The following VMP1 variants were observed in gnomAD, a reference collection of about 807,000 sequenced individuals.
VMP1 encodes the protein ectopic P-granules autophagy protein 3 homolog.
VMP1 carries 11 observed loss-of-function variants against 56.0 expected under a neutral mutation model. That is an observed-to-expected ratio of 0.20 (90% CI 0.12 to 0.32). The LOEUF is 0.32. Among genes scored for constraint, VMP1 ranks in the 10% least tolerant of loss-of-function variants. The pLI, the probability that VMP1 is intolerant of heterozygous loss-of-function variation, is 1.00. For missense variants in VMP1, 296 were observed against 490.3 expected, an observed-to-expected ratio of 0.60 and a Z score of 3.74; for synonymous variants, 149 against 165.0, an observed-to-expected ratio of 0.90 and a Z score of 0.74.
intron 7 of VMP1, among the ~76,000 whole-genome samples, chr17:59,790,219 G>A (rs952627135): frequency 1.3e-5 from 2 of 151,960 alleles, no homozygotes; most frequent in Admixed American, 1.3e-4. Flanking sequence ...TGCTATCTCA[G>A]GTCTTACAAC....
chr17:59,752,547 TA>T (rs916201703), intron 5 of VMP1, among the ~76,000 whole-genome samples: 5 of 152,032 alleles, frequency 3.3e-5, no homozygotes, highest in African/African-American at 7.2e-5. Context: ...ATGAGTTGTA[TA>T]AAAAAAATTA....
At chr17:59,815,591 C>T (rs1334963687) in intron 9 of VMP1, among the ~76,000 whole-genome samples, 3 of 152,164 alleles carry the variant, frequency 2.0e-5, no homozygotes, top group South Asian at 2.1e-4. Context: ...CGGTGGCTCA[C>T]GCCTGTAATC....
At chr17:59,764,949 GT>G in intron 5 of VMP1, 21 bp from the exon 6 acceptor site, 1 of 1,487,942 alleles carries the variant, frequency 6.7e-7, no homozygotes, top group Non-Finnish European at 9.0e-7. Context: ...CTTATCAGAA[GT>G]TTCTTGTATT....
chr17:59,834,465 G>T (rs999614891), intron 10 of VMP1, among the ~76,000 whole-genome samples: 2 of 151,344 alleles, frequency 1.3e-5, no homozygotes, highest in Non-Finnish European at 2.9e-5. Flanking sequence ...TGTTTTTTTG[G>T]TTTTTTTATT....
rs779193409 is a variant in VMP1 at position 59,731,478 on chromosome 17, G to A, written c.32G>A (p.Arg11Lys). The change falls in exon 2 of 12, where the codon AGA (arginine) becomes AAA (lysine). Residue 11 changes from arginine (R) to lysine (K), a missense_variant. Around this residue, in one of 4 missense-constraint regions of VMP1, gnomAD observed 69 missense variants for 76.6 expected, o/e 0.90. Coordinates refer to ENST00000262291, the MANE Select transcript of VMP1 (RefSeq NM_030938.5). Reference sequence around the variant, plus strand: ...GAGAATGGAAAAAATTGTGACCAGAGACGTGTAGCAATGAACAAGGAACAT... The same window carrying A: ...GAGAATGGAAAAAATTGTGACCAGAAACGTGTAGCAATGAACAAGGAACAT... Reference protein sequence around the residue: MAENGKNCDQRRVAMNKEHHN... With the variant: MAENGKNCDQKRVAMNKEHHN... 1 of 1,594,212 alleles carries A rather than the reference G, an allele frequency of 6.3e-7. No homozygotes were observed. Among genetic ancestry groups the A allele is most frequent in the South Asian group, 1.1e-5 (1 of 87,136 alleles).
intron 5 of VMP1, among the ~76,000 whole-genome samples, chr17:59,740,217 A>G (rs1236417474): frequency 1.3e-5 from 2 of 152,232 alleles, no homozygotes; most frequent in African/African-American, 2.4e-5. Context: ...CAAAATATAA[A>G]TAGGCACTCT....
chr17:59,786,418 T>C (rs2037008942), intron 7 of VMP1, among the ~76,000 whole-genome samples: 1 of 152,242 alleles, frequency 6.6e-6, no homozygotes, highest in South Asian at 2.1e-4. Context: ...CAATGCCTGC[T>C]GGTTTTTCCT....
chr17:59,761,836 TTTCTC>T (rs2036064847), intron 5 of VMP1, among the ~76,000 whole-genome samples: 1 of 152,110 alleles, frequency 6.6e-6, no homozygotes, highest in Admixed American at 6.5e-5. Flanking sequence ...TCTGTGTAGC[TTTCTC>T]TTTTCTGGTA....
intron 7 of VMP1, among the ~76,000 whole-genome samples, chr17:59,778,152 TG>T (rs1452223463): frequency 6.6e-6 from 1 of 152,220 alleles, no homozygotes; most frequent in Non-Finnish European, 1.5e-5. Context: ...GCAATTTGTA[TG>T]TATTTTTCAG....
chr17:59,731,881 TAGAATG>T (rs1454525546), intron 2 of VMP1, among the ~76,000 whole-genome samples: 2 of 152,180 alleles, frequency 1.3e-5, no homozygotes, highest in African/African-American at 4.8e-5. Context: ...TCAAAAAAGT[TAGAATG>T]TGAATATTAT....
At chr17:59,811,598 C>T in intron 8 of VMP1, 72 bp from the exon 9 acceptor site, 1 of 1,119,820 alleles carries the variant, frequency 8.9e-7, no homozygotes, top group Non-Finnish European at 1.3e-6. Context: ...CAGAATACCA[C>T]ATATCAATGG....
intron 10 of VMP1, among the ~76,000 whole-genome samples, chr17:59,832,899 C>G (rs1307940237): frequency 6.6e-6 from 1 of 151,616 alleles, no homozygotes; most frequent in Non-Finnish European, 1.5e-5. Context: ...GCATGAACCA[C>G]CATGCCCGGC....
At chr17:59,713,617 G>A (rs913308132) in intron 1 of VMP1, among the ~76,000 whole-genome samples, 1 of 151,486 alleles carries the variant, frequency 6.6e-6, no homozygotes, top group African/African-American at 2.4e-5. Context: ...GGAGGCTGAG[G>A]TGGGTGGATC....
At chr17:59,824,268 G>T (rs1347781096) in intron 10 of VMP1, among the ~76,000 whole-genome samples, 1 of 150,202 alleles carries the variant, frequency 6.7e-6, no homozygotes, top group Non-Finnish European at 1.5e-5. Context: ...AAAAAAAAGG[G>T]TATCAAAAAT....
chr17:59,756,396 G>A (rs2035844206), intron 5 of VMP1, among the ~76,000 whole-genome samples: 1 of 152,142 alleles, frequency 6.6e-6, no homozygotes, highest in Non-Finnish European at 1.5e-5. Flanking sequence ...TTGTTCCTTA[G>A]TGAAGAAGTA....
At chr17:59,744,576 G>A (rs1482847593) in intron 5 of VMP1, among the ~76,000 whole-genome samples, 2 of 148,266 alleles carry the variant, frequency 1.3e-5, no homozygotes, top group Non-Finnish European at 3.0e-5. Context: ...CCCTGCTTGA[G>A]ACCAGGAGTT....
intron 1 of VMP1, among the ~76,000 whole-genome samples, chr17:59,717,690 C>T (rs2034220510): frequency 6.6e-6 from 1 of 152,186 alleles, no homozygotes; most frequent in South Asian, 2.1e-4. Context: ...GAGGCCAAGG[C>T]AGGAGGATCA....
intron 5 of VMP1, among the ~76,000 whole-genome samples, chr17:59,763,187 G>T (rs981341016): frequency 6.6e-6 from 1 of 151,704 alleles, no homozygotes; most frequent in African/African-American, 2.4e-5. Context: ...AGCTATAATT[G>T]TATGAGGAGA....
At chr17:59,812,449 A>T (rs1396791832) in intron 9 of VMP1, among the ~76,000 whole-genome samples, 1 of 152,214 alleles carries the variant, frequency 6.6e-6, no homozygotes, top group Non-Finnish European at 1.5e-5. Context: ...GTGTGCACAC[A>T]TATATGAATA....
Sources: allele counts gnomAD v4.1 joint callset (sites outside exome capture counted in the v4.1 genomes callset), GRCh38; gene constraint gnomAD v4.1.1; regional missense constraint gnomAD v4.1.1; transcripts MANE v1.5; gene names NCBI Gene and HGNC (gene_info 2026-07-23, HGNC 2026-07-21).